CFAP70: variants seen among roughly 807,000 people sequenced by gnomAD.
The protein encoded by CFAP70 is cilia and flagella associated protein 70, also known as cilia- and flagella-associated protein 70.
CFAP70 carries 81 observed loss-of-function variants against 137.6 expected under a neutral mutation model. The observed-to-expected ratio is 0.59, with a 90% CI of 0.49 to 0.71. The LOEUF (loss-of-function observed/expected upper bound fraction) is 0.71, where lower values mean the gene tolerates loss of function less well. Among genes scored for constraint, CFAP70 ranks in the 30% least tolerant of loss-of-function variants. The pLI, the probability that CFAP70 is intolerant of heterozygous loss-of-function variation, is 0.00. For synonymous variants in CFAP70, 382 were observed against 423.6 expected (o/e 0.90, Z 1.20); for missense variants, 976 against 1,226.7 (o/e 0.80, Z 3.05).
chr10:73,310,378 C>A lies in CFAP70; in HGVS notation c.1165-129G>T, dbSNP rs41280390. ...TATATAACTACATATACAGTGTGAT[C>A]TCAACTGTTAAAATACTTTTCACAT... On this transcript the variant is annotated intron_variant, in intron 11 of 26. Transcript: ENST00000310715. 3,116 of 496,434 alleles carry A rather than the reference C, an allele frequency of 6.3e-3. 30 individuals are homozygous for A. Among genetic ancestry groups the A allele is most frequent in the Non-Finnish European group, 7.3e-3 (2,097 of 285,926 alleles). 30.8% of individuals were successfully genotyped at this position (496,434 alleles called of 1,614,324 possible). A position where few individuals can be genotyped will look rare whatever the true frequency, so the allele number is the denominator to read the frequency against.
At chr10:73,329,811 G>A (rs924018628) in intron 8 of CFAP70, among the ~76,000 whole-genome samples, 3 of 152,096 alleles carry the variant, frequency 2.0e-5, no homozygotes, top group Admixed American at 6.6e-5. Flanking sequence ...TAATGGTGGA[G>A]GTGTTTTAGC....
chr10:73,292,542 A>G (rs972680781), intron 16 of CFAP70, among the ~76,000 whole-genome samples: 3 of 152,218 alleles, frequency 2.0e-5, no homozygotes, highest in African/African-American at 7.2e-5. Flanking sequence ...ATACAAGGCA[A>G]TCCCTATCAA....
chr10:73,344,613 GAA>G (rs1241010445), intron 5 of CFAP70, among the ~76,000 whole-genome samples: 1 of 152,184 alleles, frequency 6.6e-6, no homozygotes, highest in Non-Finnish European at 1.5e-5. Context: ...TAACTGAATA[GAA>G]GAAGCCTTTT....
At chr10:73,358,907 C>A (rs1455890369), upstream of CFAP70, 2 of 152,230 alleles carry the variant, frequency 1.3e-5, no homozygotes, top group African/African-American at 2.4e-5. Context: ...ACTTCGAGAG[C>A]CTGCTGTTTC....
rs920641302 is a variant in CFAP70 at position 73,336,645 on chromosome 10, G to A, written c.583-1121C>T. On this transcript the variant is annotated intron_variant, in intron 6 of 26. Transcript: ENST00000310715. ...GTCGCCCAGGCTGGAGTGCAGTGGC[G>A]CGATCTCGGCTCACTGCAAGCTCTG... 1.2e-4 allele frequency among the ~76,000 whole-genome samples: 18 copies of A among 146,956 alleles called. No homozygotes were observed. The East Asian group carries it at 1.8e-3, about 15-fold the overall frequency.
At chr10:73,322,696 T>A (rs1368183727) in intron 9 of CFAP70, among the ~76,000 whole-genome samples, 4 of 152,184 alleles carry the variant, frequency 2.6e-5, no homozygotes, top group Non-Finnish European at 5.9e-5. Context: ...TTGAGTAGTA[T>A]TCCATCATAC....
chr10:73,258,902 TGATAA>T (rs1251414503), intron 25 of CFAP70, among the ~76,000 whole-genome samples: 1 of 152,196 alleles, frequency 6.6e-6, no homozygotes, highest in African/African-American at 2.4e-5. Context: ...CCCTGTCTCC[TGATAA>T]GATGTCATCA....
intron 25 of CFAP70, among the ~76,000 whole-genome samples, chr10:73,256,921 A>AAAAAAGG (rs2044577238): frequency 6.6e-6 from 1 of 151,070 alleles, no homozygotes; most frequent in Non-Finnish European, 1.5e-5. Context: ...AAAAAAAAAA[A>AAAAAAGG]AAAAGGAAAA....
At chr10:73,361,007 T>G (rs1332966793), upstream of CFAP70, among the ~76,000 whole-genome samples, 1 of 151,862 alleles carries the variant, frequency 6.6e-6, no homozygotes, top group Non-Finnish European at 1.5e-5. Flanking sequence ...TTTTCTTTTT[T>G]TTTTTTTTTA....
chr10:73,306,594 C>G (rs1376644870), intron 12 of CFAP70, among the ~76,000 whole-genome samples: 1 of 151,970 alleles, frequency 6.6e-6, no homozygotes, highest in African/African-American at 2.4e-5. Context: ...ATTCTATATC[C>G]AGGTGTCTCA....
At chr10:73,332,913 A>C (rs1280422192) in intron 7 of CFAP70, among the ~76,000 whole-genome samples, 1 of 152,250 alleles carries the variant, frequency 6.6e-6, no homozygotes, top group East Asian at 1.9e-4. Context: ...ATATAGTCCA[A>C]ATAGACAAAG....
intron 4 of CFAP70, 51 bp from the exon 6 acceptor site, chr10:73,345,295 C>CT: frequency 1.3e-6 from 2 of 1,508,052 alleles, no homozygotes; most frequent in Non-Finnish European, 1.8e-6. Flanking sequence ...AGAGATCTTC[C>CT]TTTTTTGCAT....
At chr10:73,314,221 T>A (rs2050158061) in intron 9 of CFAP70, among the ~76,000 whole-genome samples, 1 of 152,208 alleles carries the variant, frequency 6.6e-6, no homozygotes, top group Non-Finnish European at 1.5e-5. Flanking sequence ...AATGTGTGTA[T>A]GTTCATTATC....
intron 25 of CFAP70, among the ~76,000 whole-genome samples, chr10:73,262,057 A>G (rs2045302818): frequency 7.3e-6 from 1 of 136,686 alleles, no homozygotes; most frequent in Non-Finnish European, 1.5e-5. Context: ...TATATATTAT[A>G]TATGTATATA....
At chr10:73,336,814 GCTCAGCCTGC>G (rs1589539017) in intron 6 of CFAP70, among the ~76,000 whole-genome samples, 4 of 151,604 alleles carry the variant, frequency 2.6e-5, no homozygotes, top group Admixed American at 2.6e-4. Context: ...CTGACCTCGT[GCTCAGCCTGC>G]CTCAGCCTCC....
chr10:73,270,386 CTTTCTTT>C (rs2046151675), intron 24 of CFAP70, among the ~76,000 whole-genome samples: 3 of 150,306 alleles, frequency 2.0e-5, no homozygotes, highest in Admixed American at 2.0e-4. Flanking sequence ...TCTTTTTTTC[CTTTCTTT>C]TTTCTTTTCT....
At chr10:73,337,140 T>C (rs2052745580) in intron 6 of CFAP70, among the ~76,000 whole-genome samples, 1 of 152,208 alleles carries the variant, frequency 6.6e-6, no homozygotes, top group Non-Finnish European at 1.5e-5. Flanking sequence ...TATGTATTAG[T>C]GTGTGCATAT....
chr10:73,269,042 A>G (rs1197214556), intron 25 of CFAP70, among the ~76,000 whole-genome samples: 4 of 152,088 alleles, frequency 2.6e-5, no homozygotes, highest in Non-Finnish European at 5.9e-5. Context: ...TAAAGAGAAA[A>G]TCTAGTAATT....
intron 25 of CFAP70, 81 bp downstream of exon 26, chr10:73,269,532 TG>T: frequency 1.1e-6 from 1 of 885,848 alleles, no homozygotes; most frequent in African/African-American, 1.6e-5. Context: ...CATGCATTAA[TG>T]GCCATCTGCT....
Sources: allele counts gnomAD v4.1 joint callset (sites outside exome capture counted in the v4.1 genomes callset), GRCh38; gene constraint gnomAD v4.1.1; transcripts MANE v1.5; gene names NCBI Gene and HGNC (gene_info 2026-07-23, HGNC 2026-07-21).